Variants in KCNIP4 observed in about 807,000 individuals in gnomAD.
The protein encoded by KCNIP4 is potassium voltage-gated channel interacting protein 4.
A neutral mutation model predicts 34.0 loss-of-function variants in KCNIP4; 12 were observed. The ratio of observed to expected loss-of-function variants is 0.35; its 90% CI spans 0.23 to 0.57. KCNIP4 has a LOEUF of 0.57. KCNIP4 is among the 20% of genes least tolerant of loss of function. The probability of loss-of-function intolerance (pLI) is 0.83; values close to 1 mark genes in which losing one functional copy is unlikely to be tolerated. For synonymous variants in KCNIP4, 124 were observed against 102.2 expected (o/e 1.21, Z -1.29); for missense variants, 238 against 311.7 (o/e 0.76, Z 1.78).
At chr4:20,812,637 G>A (rs1024239910) in intron 3 of KCNIP4, among the ~76,000 whole-genome samples, 7 of 152,296 alleles carry the variant, frequency 4.6e-5, no homozygotes, top group African/African-American at 1.7e-4. Flanking sequence ...TTCTATTGGA[G>A]TTCGGTTTGG....
At chr4:20,949,019 G>A (rs1331947383) in intron 1 of KCNIP4, among the ~76,000 whole-genome samples, 1 of 152,096 alleles carries the variant, frequency 6.6e-6, no homozygotes, top group Non-Finnish European at 1.5e-5. Context: ...TCAAGGATAG[G>A]GAGTAACTCC....
chr4:21,167,652 C>A (rs34539329), intron 1 of KCNIP4, among the ~76,000 whole-genome samples: 25,878 of 152,156 alleles, frequency 0.17, 2,829 homozygotes, highest in Non-Finnish European at 0.24. Flanking sequence ...ATTAGTTCAC[C>A]ACTGGCCATC....
chr4:20,844,358 A>G (rs1720112952), intron 3 of KCNIP4, among the ~76,000 whole-genome samples: 1 of 152,224 alleles, frequency 6.6e-6, no homozygotes, highest in Admixed American at 6.5e-5. Context: ...TCTAAAGTAC[A>G]TGAATAACAC....
chr4:21,429,754 C>A (rs936029090), intron 1 of KCNIP4, among the ~76,000 whole-genome samples: 2 of 152,126 alleles, frequency 1.3e-5, no homozygotes, highest in African/African-American at 2.4e-5. Context: ...TATAATTCTG[C>A]AAATTTATTT....
At chr4:21,830,211 T>C (rs1722897156) in intron 1 of KCNIP4, among the ~76,000 whole-genome samples, 1 of 152,096 alleles carries the variant, frequency 6.6e-6, no homozygotes, top group Non-Finnish European at 1.5e-5. Context: ...CCAAATAAAA[T>C]AGACTTTAAG....
intron 1 of KCNIP4, among the ~76,000 whole-genome samples, chr4:21,046,294 A>G (rs950617767): frequency 2.6e-5 from 4 of 152,224 alleles, no homozygotes; most frequent in African/African-American, 9.6e-5. Context: ...ACAAAGAATC[A>G]AAACCCTGGA....
At chr4:20,967,016 T>C (rs1181716585) in intron 1 of KCNIP4, among the ~76,000 whole-genome samples, 1 of 152,184 alleles carries the variant, frequency 6.6e-6, no homozygotes, top group East Asian at 1.9e-4. Context: ...AAATTTGACC[T>C]GTGTATCTTC....
intron 2 of KCNIP4, among the ~76,000 whole-genome samples, chr4:20,862,361 A>G (rs1401649616): frequency 1.3e-5 from 2 of 152,146 alleles, no homozygotes; most frequent in Non-Finnish European, 2.9e-5. Context: ...TTATACTGCC[A>G]GTCATTATGC....
At chr4:21,392,690 C>T (rs1176308649) in intron 1 of KCNIP4, among the ~76,000 whole-genome samples, 1 of 152,144 alleles carries the variant, frequency 6.6e-6, no homozygotes, top group Non-Finnish European at 1.5e-5. Context: ...TTTAGCCAAA[C>T]AATCTAATAG....
intron 1 of KCNIP4, among the ~76,000 whole-genome samples, chr4:20,924,907 C>A (rs1004248384): frequency 6.6e-6 from 1 of 152,188 alleles, no homozygotes; most frequent in Non-Finnish European, 1.5e-5. Flanking sequence ...TCTTTACCTT[C>A]AGGTGGGTTA....
intron 1 of KCNIP4, among the ~76,000 whole-genome samples, chr4:21,260,670 G>T (rs1168120685): frequency 3.9e-5 from 6 of 152,170 alleles, no homozygotes; most frequent in African/African-American, 1.2e-4. Context: ...ATCTACTAGG[G>T]TACATTATTT....
intron 1 of KCNIP4, among the ~76,000 whole-genome samples, chr4:21,324,736 T>C (rs959539417): frequency 2.6e-5 from 4 of 152,030 alleles, no homozygotes; most frequent in East Asian, 1.9e-4. Context: ...GCTTTGGCTT[T>C]TCTGGGTCTT....
chr4:21,612,863 T>C (rs562962814), intron 1 of KCNIP4, among the ~76,000 whole-genome samples: 13 of 152,310 alleles, frequency 8.5e-5, no homozygotes, highest in South Asian at 4.1e-4. Context: ...TAAAGAGTAC[T>C]ATGCAAAAAC....
At chr4:21,882,636 G>A (rs1384919196) in intron 1 of KCNIP4, among the ~76,000 whole-genome samples, 1 of 152,112 alleles carries the variant, frequency 6.6e-6, no homozygotes, top group Non-Finnish European at 1.5e-5. Flanking sequence ...TAGAAACTGA[G>A]AGACTGTACC....
chr4:21,923,276 C>T (rs1729038461), intron 1 of KCNIP4, among the ~76,000 whole-genome samples: 1 of 152,146 alleles, frequency 6.6e-6, no homozygotes. Context: ...CCCAACTACC[C>T]ATTTAAAATA....
chr4:21,843,675 T>A (rs1723830670), intron 1 of KCNIP4: 1 of 152,052 alleles, frequency 6.6e-6, no homozygotes, highest in African/African-American at 2.4e-5. Flanking sequence ...ATTTTTCCAA[T>A]CACACTCCAT....
chr4:20,783,134 C>T (rs1307064611), intron 3 of KCNIP4, among the ~76,000 whole-genome samples: 2 of 152,218 alleles, frequency 1.3e-5, no homozygotes, highest in African/African-American at 4.8e-5. Context: ...ACACCTCAGA[C>T]TGGACCTTAT....
chr4:21,417,973 C>T (rs989212149), intron 1 of KCNIP4, among the ~76,000 whole-genome samples: 1 of 152,126 alleles, frequency 6.6e-6, no homozygotes, highest in African/African-American at 2.4e-5. Flanking sequence ...AGATCCAATG[C>T]TCTATAATGT....
chr4:20,852,619 T>C (rs1417259838), intron 2 of KCNIP4, among the ~76,000 whole-genome samples: 1 of 152,146 alleles, frequency 6.6e-6, no homozygotes, highest in Non-Finnish European at 1.5e-5. Flanking sequence ...TTAGAAATCC[T>C]AGCCAGAGCA....
Sources: allele counts gnomAD v4.1 joint callset (sites outside exome capture counted in the v4.1 genomes callset), GRCh38; gene constraint gnomAD v4.1.1; transcripts MANE v1.5; gene names NCBI Gene and HGNC (gene_info 2026-07-23, HGNC 2026-07-21).